The following KYNU variants were observed in gnomAD, a reference collection of about 807,000 sequenced individuals.
KYNU encodes the protein L-kynurenine hydrolase.
Under a neutral mutation model 59.2 loss-of-function variants are expected in KYNU, and 54 were observed. The ratio of observed to expected loss-of-function variants is 0.91; its 90% CI spans 0.73 to 1.14. The LOEUF is 1.14. Ranked by LOEUF, KYNU falls within the 50% of genes most tolerant of loss-of-function variation. The probability of loss-of-function intolerance (pLI) is 0.00; values close to 1 mark genes in which losing one functional copy is unlikely to be tolerated. For synonymous variants in KYNU, 177 were observed against 192.0 expected (o/e 0.92, Z 0.65); for missense variants, 567 against 554.4 (o/e 1.02, Z -0.23).
At chr2:142,997,145 T>A (rs923396725) in intron 10 of KYNU, among the ~76,000 whole-genome samples, 1 of 152,206 alleles carries the variant, frequency 6.6e-6, no homozygotes, top group African/African-American at 2.4e-5. Flanking sequence ...GTACTATGTA[T>A]ATATTTCTTA....
intron 2 of KYNU, among the ~76,000 whole-genome samples, chr2:142,912,387 T>TTTTTTTTTTTTTC (rs1558917019): frequency 9.3e-5 from 13 of 139,324 alleles, no homozygotes; most frequent in East Asian, 4.2e-4. Flanking sequence ...TTTTTTTTTT[T>TTTTTTTTTTTTTC]TTTTTTTTTG....
intron 10 of KYNU, among the ~76,000 whole-genome samples, chr2:142,992,944 G>A (rs1685444406): frequency 1.3e-5 from 2 of 152,006 alleles, no homozygotes; most frequent in African/African-American, 4.8e-5. Context: ...TGTGCCATAA[G>A]GCAGCCTCTG....
chr2:142,946,306 A>G (rs1683778014), intron 4 of KYNU, among the ~76,000 whole-genome samples: 1 of 151,788 alleles, frequency 6.6e-6, no homozygotes, highest in Admixed American at 6.6e-5. Context: ...CTGGTCTCAA[A>G]CTCCTGAGCT....
chr2:143,013,320 C>G (rs1372834450), intron 10 of KYNU, among the ~76,000 whole-genome samples: 1 of 112,632 alleles, frequency 8.9e-6, no homozygotes, highest in African/African-American at 4.0e-5. Context: ...GTGTGTGTGT[C>G]CATCATATTT....
At chr2:142,990,349 A>C (rs934542765) in intron 10 of KYNU, among the ~76,000 whole-genome samples, 1 of 151,868 alleles carries the variant, frequency 6.6e-6, no homozygotes, top group Non-Finnish European at 1.5e-5. Flanking sequence ...TAAATTTTGA[A>C]TGTTTTAAAA....
At chr2:142,898,057 A>G (rs1389074759) in intron 2 of KYNU, among the ~76,000 whole-genome samples, 1 of 151,874 alleles carries the variant, frequency 6.6e-6, no homozygotes, top group Non-Finnish European at 1.5e-5. Flanking sequence ...ATGCACCACC[A>G]TGTCTGGCTA....
chr2:143,042,694 AT>A lies in KYNU; in HGVS notation c.*529del, dbSNP rs1029626168. On this transcript the variant is annotated 3_prime_UTR_variant, in exon 14 of 14. Coordinates refer to ENST00000264170, the MANE Select transcript of KYNU (RefSeq NM_003937.3). ...ATATATATATGATAGTGGCTTTCAA[AT>A]TTTTTTGGGTACAATCCACATTGCT... 1 of 146,270 alleles carries A rather than the reference AT, an allele frequency of 6.8e-6. No individual in the cohort carries two copies. The highest frequency in any genetic ancestry group is 6.9e-5 in the Admixed American group (1 of 14,568). 9.1% of individuals were successfully genotyped at this position (146,270 alleles called of 1,614,324 possible).
chr2:143,035,934 G>C (rs530741103), intron 12 of KYNU, among the ~76,000 whole-genome samples: 1 of 151,922 alleles, frequency 6.6e-6, no homozygotes, highest in African/African-American at 2.4e-5. Flanking sequence ...CACCATGCCC[G>C]ACTAATTTTT....
chr2:143,023,417 T>C (rs1472296539), intron 10 of KYNU, among the ~76,000 whole-genome samples: 1 of 151,946 alleles, frequency 6.6e-6, no homozygotes, highest in African/African-American at 2.4e-5. Flanking sequence ...TTTTGAAAGC[T>C]ATAATCTTTA....
At position 143,044,014 on chromosome 2, in the gene KYNU, T is replaced by G. The variant is rs1316791180; in HGVS notation, c.*1842T>G. 1 of 151,834 alleles carries G rather than the reference T, an allele frequency of 6.6e-6. No homozygotes were observed. The highest frequency in any genetic ancestry group is 1.5e-5 in the Non-Finnish European group (1 of 67,972). 9.4% of individuals were successfully genotyped at this position (151,834 alleles called of 1,614,324 possible). On this transcript the variant is annotated 3_prime_UTR_variant, in exon 14 of 14. Coordinates refer to ENST00000264170, the MANE Select transcript of KYNU (RefSeq NM_003937.3). ...CCCAACTACCCAAAAGGACCTGGTG[T>G]GTGATGTTCCCCTCCCTGTGTTCAT... is the stretch of plus-strand genomic sequence containing the variant.
intron 2 of KYNU, among the ~76,000 whole-genome samples, chr2:142,885,997 C>A (rs1282606238): frequency 6.6e-6 from 1 of 152,126 alleles, no homozygotes; most frequent in South Asian, 2.1e-4. Flanking sequence ...GCCATCTTTG[C>A]ATGCTGTAAA....
At position 143,040,656 on chromosome 2, in the gene KYNU, G is replaced by A. The variant is rs1245331631; in HGVS notation, c.1270G>A (p.Val424Ile). ...CCAAGAACTAGAAAAAAGAGGAGTG[G>A]TTGTAAGTATGTCTTGCTTTGCTAC... ...VFQELEKRGV[V>I]CDKRNPNGIR... Residue 424 changes from valine to isoleucine, a missense_variant and splice_region_variant, in exon 13 of 14, where the codon GTT becomes ATT. Coordinates refer to ENST00000264170, the MANE Select transcript of KYNU (RefSeq NM_003937.3). The A allele has an allele frequency of 6.3e-7, 1 of 1,592,756 alleles. No individual in the cohort carries two copies. The highest frequency in any genetic ancestry group is 8.6e-7 in the Non-Finnish European group (1 of 1,165,512).
At chr2:142,907,294 C>A (rs911724589) in intron 2 of KYNU, among the ~76,000 whole-genome samples, 12 of 152,176 alleles carry the variant, frequency 7.9e-5, no homozygotes, top group Admixed American at 7.2e-4. Context: ...AGTGTTATAG[C>A]TCTATCAGAA....
intron 2 of KYNU, among the ~76,000 whole-genome samples, chr2:142,907,810 G>C (rs376393414): frequency 6.6e-6 from 1 of 152,158 alleles, no homozygotes; most frequent in African/African-American, 2.4e-5. Context: ...AGTTACCAGC[G>C]TTGTGTTTAA....
At chr2:142,935,699 C>T (rs536736931) in intron 4 of KYNU, among the ~76,000 whole-genome samples, 1 of 152,214 alleles carries the variant, frequency 6.6e-6, no homozygotes, top group East Asian at 1.9e-4. Flanking sequence ...CCTTCAGTTC[C>T]TGCTACTTCC....
chr2:142,954,418 A>T (rs2105082989), intron 4 of KYNU, among the ~76,000 whole-genome samples: 1 of 152,060 alleles, frequency 6.6e-6, no homozygotes, highest in East Asian at 1.9e-4. Flanking sequence ...GAAACAACGA[A>T]CTTTAAAAAT....
intron 8 of KYNU, among the ~76,000 whole-genome samples, chr2:142,979,732 G>A (rs1573865318): frequency 6.6e-6 from 1 of 152,014 alleles, no homozygotes; most frequent in African/African-American, 2.4e-5. Flanking sequence ...AGGATGGCTT[G>A]AGCCCAGGAG....
chr2:142,989,782 A>C (rs1309489343), intron 10 of KYNU: 2 of 152,138 alleles, frequency 1.3e-5, no homozygotes, highest in Middle Eastern at 3.2e-3. Context: ...GAAAGGAATT[A>C]TAAGCATGGG....
At chr2:142,882,888 C>T (rs1426473945) in intron 1 of KYNU, among the ~76,000 whole-genome samples, 1 of 152,114 alleles carries the variant, frequency 6.6e-6, no homozygotes, top group Non-Finnish European at 1.5e-5. Flanking sequence ...GCTTCTAGAT[C>T]CTTGAGGAAT....
Sources: allele counts gnomAD v4.1 joint callset (sites outside exome capture counted in the v4.1 genomes callset), GRCh38; gene constraint gnomAD v4.1.1; transcripts MANE v1.5; gene names NCBI Gene and HGNC (gene_info 2026-07-23, HGNC 2026-07-21).